TAFA2: variants seen among roughly 807,000 people sequenced by gnomAD.
TAFA2 encodes the protein TAFA chemokine like family member 2.
A neutral mutation model predicts 18.8 loss-of-function variants in TAFA2; 7 were observed. The observed-to-expected ratio is 0.37, with a 90% CI of 0.21 to 0.70. The LOEUF (loss-of-function observed/expected upper bound fraction) is 0.70. Ranked by LOEUF, TAFA2 falls within the 30% of genes least tolerant of loss-of-function variation. TAFA2 has a pLI of 0.53. For synonymous variants in TAFA2, 60 were observed against 54.2 expected (o/e 1.11, Z -0.47); for missense variants, 122 against 158.1 (o/e 0.77, Z 1.23).
intron 1 of TAFA2, among the ~76,000 whole-genome samples, chr12:62,099,120 A>C (rs1021599546): frequency 6.6e-6 from 1 of 152,160 alleles, no homozygotes; most frequent in Non-Finnish European, 1.5e-5. Flanking sequence ...TTGTAATTTC[A>C]TTTTAGTGGT....
chr12:61,909,659 C>T (rs1011939577), intron 1 of TAFA2, among the ~76,000 whole-genome samples: 1 of 152,014 alleles, frequency 6.6e-6, no homozygotes, highest in Non-Finnish European at 1.5e-5. Flanking sequence ...GTAAAGAGCA[C>T]TAAAGGGATA....
chr12:62,163,042 C>A (rs2062416076), intron 1 of TAFA2, among the ~76,000 whole-genome samples: 1 of 151,996 alleles, frequency 6.6e-6, no homozygotes, highest in Admixed American at 6.6e-5. Flanking sequence ...GCTGAGTAGT[C>A]TAATCATATT....
At chr12:61,721,348 A>G (rs73322437) in intron 4 of TAFA2, among the ~76,000 whole-genome samples, 2,252 of 152,322 alleles carry the variant, frequency 0.015, 47 homozygotes, top group African/African-American at 0.05. Context: ...GGTAGTAATA[A>G]TAAATTATAA....
chr12:62,010,206 T>C (rs966723598), intron 1 of TAFA2, among the ~76,000 whole-genome samples: 2 of 129,280 alleles, frequency 1.5e-5, no homozygotes, highest in African/African-American at 2.9e-5. Flanking sequence ...GGTCTCCCTC[T>C]GTTACCGAGG....
chr12:62,207,886 G>A (rs1392402372), intron 1 of TAFA2, among the ~76,000 whole-genome samples: 1 of 152,108 alleles, frequency 6.6e-6, no homozygotes, highest in Admixed American at 6.5e-5. Flanking sequence ...ACCCAGTACT[G>A]GGCCCTCCCT....
intron 1 of TAFA2, among the ~76,000 whole-genome samples, chr12:61,941,723 C>T (rs941263303): frequency 6.6e-6 from 1 of 152,204 alleles, no homozygotes; most frequent in Non-Finnish European, 1.5e-5. Flanking sequence ...TCACTCCCAC[C>T]CGAATATTGC....
intron 4 of TAFA2, among the ~76,000 whole-genome samples, chr12:61,738,268 A>G (rs1293465830): frequency 2.0e-5 from 3 of 148,298 alleles, no homozygotes. Context: ...AAACAACTAC[A>G]AAAACTTAAA....
At chr12:61,968,021 T>A (rs563835052) in intron 1 of TAFA2, among the ~76,000 whole-genome samples, 1 of 151,894 alleles carries the variant, frequency 6.6e-6, no homozygotes, top group African/African-American at 2.4e-5. Context: ...TATTCATTAT[T>A]TAGCAGACAT....
At chr12:62,113,134 C>T (rs993520841) in intron 1 of TAFA2, among the ~76,000 whole-genome samples, 1 of 152,094 alleles carries the variant, frequency 6.6e-6, no homozygotes, top group African/African-American at 2.4e-5. Context: ...TACCTTTGTT[C>T]TTTGATGTCA....
intron 2 of TAFA2, among the ~76,000 whole-genome samples, chr12:61,860,065 A>G (rs1419465371): frequency 6.6e-6 from 1 of 152,210 alleles, no homozygotes; most frequent in Non-Finnish European, 1.5e-5. Context: ...TCTCACAACT[A>G]GTCTTTGTCA....
At chr12:61,728,897 T>C (rs1313997939) in intron 4 of TAFA2, among the ~76,000 whole-genome samples, 1 of 152,000 alleles carries the variant, frequency 6.6e-6, no homozygotes, top group Non-Finnish European at 1.5e-5. Flanking sequence ...TGTGTCAAGA[T>C]TTAGAATTTC....
chr12:61,910,260 C>A (rs887511063), intron 1 of TAFA2, among the ~76,000 whole-genome samples: 3 of 151,916 alleles, frequency 2.0e-5, no homozygotes, highest in Non-Finnish European at 2.9e-5. Flanking sequence ...GAAGGAGATG[C>A]TCTCCCATGT....
chr12:61,721,128 A>G (rs949706617), intron 4 of TAFA2, among the ~76,000 whole-genome samples: 1 of 152,148 alleles, frequency 6.6e-6, no homozygotes, highest in African/African-American at 2.4e-5. Flanking sequence ...TTTAATTTCA[A>G]AGAGACACAC....
chr12:62,110,247 C>T (rs116600372), intron 1 of TAFA2, among the ~76,000 whole-genome samples: 2,737 of 152,068 alleles, frequency 0.018, 79 homozygotes, highest in African/African-American at 0.061. Flanking sequence ...ATGTGGTTTT[C>T]GTCATTGCTT....
intron 1 of TAFA2, among the ~76,000 whole-genome samples, chr12:62,099,297 T>C (rs943804920): frequency 3.3e-5 from 5 of 152,150 alleles, no homozygotes; most frequent in African/African-American, 9.7e-5. Context: ...CCCAGAACTA[T>C]TATCCGTACT....
chr12:62,072,423 C>T (rs534034197), intron 1 of TAFA2, among the ~76,000 whole-genome samples: 5 of 151,216 alleles, frequency 3.3e-5, no homozygotes, highest in Non-Finnish European at 5.9e-5. Flanking sequence ...GAGCCAAGAT[C>T]GCGCCACTGC....
chr12:62,050,355 C>T (rs777756504), intron 1 of TAFA2, among the ~76,000 whole-genome samples: 2 of 151,928 alleles, frequency 1.3e-5, no homozygotes, highest in Non-Finnish European at 2.9e-5. Context: ...TAGATCACGA[C>T]ATCAGGAGAT....
intron 4 of TAFA2, among the ~76,000 whole-genome samples, chr12:61,731,365 T>C (rs189287511): frequency 4.6e-5 from 7 of 152,234 alleles, no homozygotes; most frequent in Admixed American, 3.9e-4. Context: ...AAGTTTACAA[T>C]GTTAGTCTCC....
At chr12:61,857,565 A>G (rs1393365793) in intron 2 of TAFA2, among the ~76,000 whole-genome samples, 1 of 152,198 alleles carries the variant, frequency 6.6e-6, no homozygotes, top group Non-Finnish European at 1.5e-5. Context: ...CTGGAAGCTT[A>G]GATAAGATTT....
Sources: allele counts gnomAD v4.1 joint callset (sites outside exome capture counted in the v4.1 genomes callset), GRCh38; gene constraint gnomAD v4.1.1; transcripts MANE v1.5; gene names NCBI Gene and HGNC (gene_info 2026-07-23, HGNC 2026-07-21).